Variants in INPP4B observed in about 807,000 individuals in gnomAD.
INPP4B encodes the protein inositol polyphosphate 4-phosphatase type II.
Under a neutral mutation model 122.5 loss-of-function variants are expected in INPP4B, and 55 were observed. The observed-to-expected ratio is 0.45, with a 90% CI of 0.36 to 0.56. The LOEUF (loss-of-function observed/expected upper bound fraction) is 0.56. Ranked by LOEUF, INPP4B falls within the 20% of genes least tolerant of loss-of-function variation. The pLI is 0.00. For missense variants in INPP4B, 1,000 were observed against 1,097.7 expected, an observed-to-expected ratio of 0.91 and a Z score of 1.26; for synonymous variants, 403 against 388.7, an observed-to-expected ratio of 1.04 and a Z score of -0.43.
intron 2 of INPP4B, among the ~76,000 whole-genome samples, chr4:142,590,881 C>CAAAAAAA (rs59459819): frequency 7.5e-5 from 7 of 93,630 alleles, no homozygotes; most frequent in Non-Finnish European, 8.4e-5. Flanking sequence ...TATCATTCTC[C>CAAAAAAA]AAAAAAAAAA....
chr4:142,034,272 T>C (rs1742377977), intron 25 of INPP4B, among the ~76,000 whole-genome samples: 2 of 152,260 alleles, frequency 1.3e-5, no homozygotes, highest in Middle Eastern at 3.4e-3. Flanking sequence ...TTGGTTGTCA[T>C]AACTATAGGA....
At chr4:142,762,285 C>T (rs779300840) in intron 1 of INPP4B, among the ~76,000 whole-genome samples, 11 of 152,152 alleles carry the variant, frequency 7.2e-5, no homozygotes, top group Non-Finnish European at 1.0e-4. Context: ...GCCATCACCA[C>T]ACCCACCTCA....
intron 2 of INPP4B, among the ~76,000 whole-genome samples, chr4:142,500,314 T>C (rs1393173536): frequency 6.6e-6 from 1 of 152,152 alleles, no homozygotes; most frequent in East Asian, 1.9e-4. Context: ...TGAGACTCCT[T>C]GCCCCTGAGG....
intron 2 of INPP4B, among the ~76,000 whole-genome samples, chr4:142,502,608 C>T (rs1823526841): frequency 6.6e-6 from 1 of 152,074 alleles, no homozygotes; most frequent in Non-Finnish European, 1.5e-5. Context: ...CCTGCCTCAA[C>T]CTCCCAAGTA....
At chr4:142,139,453 C>T (rs894030240) in intron 18 of INPP4B, among the ~76,000 whole-genome samples, 15 of 152,092 alleles carry the variant, frequency 9.9e-5, no homozygotes, top group South Asian at 2.1e-4. Context: ...ACTACAGGCG[C>T]GTGCTACCAT....
intron 1 of INPP4B, among the ~76,000 whole-genome samples, chr4:142,835,123 G>A (rs188300557): frequency 3.2e-4 from 49 of 152,272 alleles, no homozygotes; most frequent in Non-Finnish European, 5.9e-4. Flanking sequence ...CTTATAGCTC[G>A]CATATAATTT....
intron 23 of INPP4B, 75 bp downstream of exon 23, chr4:142,108,018 C>T (rs879874527): frequency 5.2e-6 from 4 of 771,270 alleles, no homozygotes; most frequent in Non-Finnish European, 6.6e-6. Flanking sequence ...GTCCACTGAC[C>T]TCTATGTCTG....
intron 2 of INPP4B, among the ~76,000 whole-genome samples, chr4:142,562,650 C>T (rs530202619): frequency 6.6e-6 from 1 of 151,782 alleles, no homozygotes; most frequent in South Asian, 2.1e-4. Flanking sequence ...TGCACAAAAC[C>T]CATTTTGTGT....
At chr4:142,465,928 C>T in intron 2 of INPP4B, among the ~76,000 whole-genome samples, 1 of 152,158 alleles carries the variant, frequency 6.6e-6, no homozygotes. Flanking sequence ...GAGGCCTCAC[C>T]AGAAGCAAAT....
intron 1 of INPP4B, among the ~76,000 whole-genome samples, chr4:142,811,028 G>T (rs926292840): frequency 2.6e-5 from 4 of 152,168 alleles, no homozygotes; most frequent in African/African-American, 9.7e-5. Flanking sequence ...ACATTTTTCT[G>T]CACTGGTTGT....
chr4:142,651,716 A>C (rs559051230), intron 2 of INPP4B, among the ~76,000 whole-genome samples: 5 of 152,276 alleles, frequency 3.3e-5, no homozygotes, highest in African/African-American at 9.6e-5. Context: ...CTATGAAATT[A>C]AGGCAATAAT....
intron 1 of INPP4B, among the ~76,000 whole-genome samples, chr4:142,762,074 GA>G (rs1771421758): frequency 6.6e-6 from 1 of 152,088 alleles, no homozygotes; most frequent in Non-Finnish European, 1.5e-5. Context: ...TTCTCAGGCA[GA>G]GAGTTGTCTG....
chr4:142,113,697 A>C (rs1791443978), intron 21 of INPP4B, among the ~76,000 whole-genome samples: 1 of 152,034 alleles, frequency 6.6e-6, no homozygotes, highest in Non-Finnish European at 1.5e-5. Flanking sequence ...TGCCATTTAC[A>C]ATAGCCTGGC....
chr4:142,100,320 T>C lies in INPP4B; in HGVS notation c.2374+7773A>G, dbSNP rs564716922. On this transcript the variant is annotated intron_variant, in intron 23 of 25. Coordinates refer to ENST00000262992, the MANE Select transcript of INPP4B (RefSeq NM_001101669.3). Reference sequence around the variant, plus strand: ...CCTGGAAGTGGTTATATCTTTTCTATGGCTCCAGCTCCCACTGGGAAACTT... The same window carrying C: ...CCTGGAAGTGGTTATATCTTTTCTACGGCTCCAGCTCCCACTGGGAAACTT... Among the ~76,000 whole-genome samples the C allele has an allele frequency of 7.2e-5, 11 of 152,232 alleles. No homozygotes were observed. In the South Asian group the frequency reaches 1.2e-3, roughly 17 times the overall value.
intron 1 of INPP4B, among the ~76,000 whole-genome samples, chr4:142,801,361 A>G (rs1364923345): frequency 6.6e-6 from 1 of 152,222 alleles, no homozygotes; most frequent in Non-Finnish European, 1.5e-5. Flanking sequence ...AAAGGCAGTT[A>G]GGTTAAAATG....
intron 23 of INPP4B, among the ~76,000 whole-genome samples, chr4:142,092,926 A>G (rs6537099): frequency 0.26 from 39,180 of 152,018 alleles, 5,133 homozygotes; most frequent in East Asian, 0.3. Flanking sequence ...TTTTTATTGA[A>G]AGACGTGGAA....
chr4:142,183,287 A>G (rs901985389), intron 15 of INPP4B, among the ~76,000 whole-genome samples: 1 of 152,196 alleles, frequency 6.6e-6, no homozygotes, highest in Non-Finnish European at 1.5e-5. Flanking sequence ...AAGCCAATCC[A>G]TCTTCCTTCT....
intron 7 of INPP4B, among the ~76,000 whole-genome samples, chr4:142,379,847 T>C (rs1272163674): frequency 6.6e-6 from 1 of 152,140 alleles, no homozygotes; most frequent in Non-Finnish European, 1.5e-5. Context: ...AACCATCAGA[T>C]TGAGGGTTCA....
chr4:142,543,085 A>G (rs1829126410), intron 2 of INPP4B, among the ~76,000 whole-genome samples: 1 of 152,200 alleles, frequency 6.6e-6, no homozygotes, highest in Non-Finnish European at 1.5e-5. Flanking sequence ...ATTGGAACCT[A>G]TTTCTCAAAG....
Sources: gnomAD v4.1 joint callset for allele counts (sites outside exome capture counted in the v4.1 genomes callset) on GRCh38, gnomAD v4.1.1 for gene constraint, MANE v1.5 for transcripts, NCBI Gene and HGNC (gene_info 2026-07-23, HGNC 2026-07-21) for gene names.